SOX6: variants seen among roughly 807,000 people sequenced by gnomAD.
SOX6 encodes transcription factor SOX-6.
A neutral mutation model predicts 97.8 loss-of-function variants in SOX6; 11 were observed. That is an observed-to-expected ratio of 0.11 (90% CI 0.07 to 0.19). The LOEUF (loss-of-function observed/expected upper bound fraction) is 0.19. SOX6 is among the 10% of genes least tolerant of loss of function. SOX6 has a pLI of 1.00. For synonymous variants in SOX6, 360 were observed against 371.4 expected (o/e 0.97, Z 0.35); for missense variants, 810 against 1,039.5 (o/e 0.78, Z 3.04).
intron 3 of SOX6, among the ~76,000 whole-genome samples, chr11:16,658,817 A>AT (rs1847744512): frequency 6.6e-6 from 1 of 152,184 alleles, no homozygotes; most frequent in Admixed American, 6.5e-5. Context: ...AATTAATCCT[A>AT]TTTCTAATTG....
chr11:16,734,628 A>G (rs1041279234), intron 2 of SOX6, among the ~76,000 whole-genome samples: 3 of 152,176 alleles, frequency 2.0e-5, no homozygotes. Context: ...CTAACTTTGA[A>G]GCCCATATTT....
At chr11:16,379,453 C>A (rs531618232) in intron 1 of SOX6, among the ~76,000 whole-genome samples, 1 of 150,372 alleles carries the variant, frequency 6.7e-6, no homozygotes, top group Admixed American at 6.6e-5. Flanking sequence ...GCAACAAGAG[C>A]AAAACTCCAT....
intron 4 of SOX6, among the ~76,000 whole-genome samples, chr11:16,563,173 T>C (rs1366032998): frequency 6.6e-6 from 1 of 151,990 alleles, no homozygotes; most frequent in Admixed American, 6.6e-5. Flanking sequence ...TATGAACCCA[T>C]TTGAAACAAA....
chr11:16,595,147 C>T (rs889397748), intron 4 of SOX6, among the ~76,000 whole-genome samples: 1 of 152,082 alleles, frequency 6.6e-6, no homozygotes, highest in Non-Finnish European at 1.5e-5. Flanking sequence ...CCCTCCTTTA[C>T]TAAATTTCAG....
At chr11:16,730,937 A>G (rs1256055051) in intron 2 of SOX6, among the ~76,000 whole-genome samples, 1 of 152,206 alleles carries the variant, frequency 6.6e-6, no homozygotes. Flanking sequence ...TCCCACAGAA[A>G]TACAAACTAC....
At chr11:16,663,450 G>A (rs1169136620) in intron 3 of SOX6, among the ~76,000 whole-genome samples, 2 of 152,078 alleles carry the variant, frequency 1.3e-5, no homozygotes, top group East Asian at 3.9e-4. Context: ...AGCCCCCCAA[G>A]TGGCTGGGAC....
At chr11:16,202,838 A>T (rs2134130086) in intron 4 of SOX6, among the ~76,000 whole-genome samples, 1 of 152,312 alleles carries the variant, frequency 6.6e-6, no homozygotes, top group Non-Finnish European at 1.5e-5. Flanking sequence ...ACTACTAAAG[A>T]CTACTCGTAA....
rs533402263 is a variant in SOX6 at position 16,197,644 on chromosome 11, T to C, written c.536-10689A>G. On this transcript the variant is annotated intron_variant, in intron 4 of 15. Transcript: ENST00000683767. ...CAATGTTGACCTTAATAATGATTCC[T>C]GGGTAAAATAGGTGCTGCCAAATAT... Among the ~76,000 whole-genome samples, 634 of 152,360 alleles carry C rather than the reference T, an allele frequency of 4.2e-3. 8 individuals are homozygous for C. Among genetic ancestry groups the C allele is most frequent in the Middle Eastern group, 0.02 (6 of 294 alleles).
Position 16,586,903 on chromosome 11 carries a change from C to T in SOX6, n.609+25178G>A, listed in dbSNP as rs185967813. Among the ~76,000 whole-genome samples, 37 of 152,318 alleles carry T rather than the reference C, an allele frequency of 2.4e-4. 1 individual carries two copies. Among genetic ancestry groups the T allele is most frequent in the African/African-American group, 8.9e-4 (37 of 41,574 alleles). On this transcript the variant is annotated intron_variant and non_coding_transcript_variant, in intron 4 of 5. Transcript: ENST00000524520. ...AGTGCATAGTGCAGCCATGTCCCCACTTTGCATGATTCTGTAATAACTGAG... is the reference window on the plus strand; with the variant it reads ...AGTGCATAGTGCAGCCATGTCCCCATTTTGCATGATTCTGTAATAACTGAG...
At position 16,423,055 on chromosome 11, in the gene SOX6, C is replaced by T. The variant is rs77267105; in HGVS notation, c.-5+53260G>A. 7.4e-3 allele frequency among the ~76,000 whole-genome samples: 1,129 copies of T among 152,168 alleles called. 16 individuals are homozygous for T. Among genetic ancestry groups the T allele is most frequent in the African/African-American group, 0.024 (997 of 41,490 alleles). On this transcript the variant is annotated intron_variant, in intron 1 of 15. Coordinates refer to the SOX6 transcript ENST00000396356. ...GCTTCCTATCTCACTTAGAGAAAACCCAGAGTCTTCATCATTCTTTTGAGG... is the reference window on the plus strand; with the variant it reads ...GCTTCCTATCTCACTTAGAGAAAACTCAGAGTCTTCATCATTCTTTTGAGG...
At chr11:16,266,628 T>C (rs1053314847) in intron 3 of SOX6, among the ~76,000 whole-genome samples, 2 of 151,596 alleles carry the variant, frequency 1.3e-5, no homozygotes, top group African/African-American at 4.8e-5. Context: ...AATCCAAATG[T>C]ATAACAACAA....
intron 2 of SOX6, among the ~76,000 whole-genome samples, chr11:16,325,728 T>C (rs1432567155): frequency 3.9e-5 from 6 of 152,154 alleles, no homozygotes; most frequent in Non-Finnish European, 5.9e-5. Context: ...ATCTAGATAC[T>C]TATTGCTATG....
chr11:16,165,736 A>AT (rs1484141636), intron 6 of SOX6, among the ~76,000 whole-genome samples: 53 of 152,166 alleles, frequency 3.5e-4, no homozygotes, highest in African/African-American at 1.2e-3. Flanking sequence ...TGTCTCTACT[A>AT]AAAGTACAAA....
chr11:16,475,138 C>T (rs1307037296), intron 1 of SOX6, among the ~76,000 whole-genome samples: 1 of 152,228 alleles, frequency 6.6e-6, no homozygotes, highest in Non-Finnish European at 1.5e-5. Flanking sequence ...TATGCTTTGG[C>T]TTAAGGGAAT....
intron 4 of SOX6, among the ~76,000 whole-genome samples, chr11:16,504,504 A>C (rs542485526): frequency 1.5e-3 from 221 of 152,290 alleles, no homozygotes; most frequent in Middle Eastern, 3.4e-3. Flanking sequence ...TACAAAAAAA[A>C]ACTTCGAAAT....
intron 4 of SOX6, among the ~76,000 whole-genome samples, chr11:16,553,827 G>C (rs1847718232): frequency 6.6e-6 from 1 of 152,106 alleles, no homozygotes; most frequent in Non-Finnish European, 1.5e-5. Flanking sequence ...TATTATTCAA[G>C]TCCTATGCCA....
chr11:16,204,280 G>C (rs1255402329), intron 4 of SOX6, among the ~76,000 whole-genome samples: 1 of 152,034 alleles, frequency 6.6e-6, no homozygotes, highest in Non-Finnish European at 1.5e-5. Context: ...GCTAATATCT[G>C]AGAATAAATT....
chr11:16,166,374 G>A (rs1189652594), intron 6 of SOX6, among the ~76,000 whole-genome samples: 1 of 152,166 alleles, frequency 6.6e-6, no homozygotes, highest in African/African-American at 2.4e-5. Flanking sequence ...TGTTTCATAT[G>A]TGTGCTTCTG....
At chr11:16,229,442 A>G (rs1180430710) in intron 4 of SOX6, among the ~76,000 whole-genome samples, 3 of 152,050 alleles carry the variant, frequency 2.0e-5, no homozygotes, top group African/African-American at 7.2e-5. Flanking sequence ...AGCAAAATGA[A>G]TTAATAGGCA....
Sources: gnomAD v4.1 joint callset for allele counts (sites outside exome capture counted in the v4.1 genomes callset) on GRCh38, gnomAD v4.1.1 for gene constraint, MANE v1.5 for transcripts, NCBI Gene and HGNC (gene_info 2026-07-23, HGNC 2026-07-21) for gene names.